Variants in SLIT3 observed in about 807,000 individuals in gnomAD.
The protein encoded by SLIT3 is slit homolog 3 protein.
In SLIT3, 68 loss-of-function variants were observed where a neutral mutation model predicts 184.0. That is an observed-to-expected ratio of 0.37 (90% confidence interval 0.30 to 0.45). The LOEUF (loss-of-function observed/expected upper bound fraction) is 0.45. Among genes scored for constraint, SLIT3 ranks in the 20% least tolerant of loss-of-function variants. The pLI is 1.00. For missense variants in SLIT3, 1,707 were observed against 2,026.0 expected, an observed-to-expected ratio of 0.84 and a Z score of 3.02; for synonymous variants, 831 against 828.6, an observed-to-expected ratio of 1.00 and a Z score of -0.05.
In SLIT3 at chr5:169,285,150, C is replaced by T. The variant is rs62376947; in HGVS notation, c.197+15363G>A. ...CAGGTAGGTGTCAAACTCATAGGCT[C>T]AACTGATCCTCCCACCTCAGCCTCC... On this transcript the variant is annotated intron_variant, in intron 1 of 35. Coordinates refer to ENST00000519560, the MANE Select transcript of SLIT3 (RefSeq NM_003062.4). 7.7e-3 allele frequency among the ~76,000 whole-genome samples: 1,178 copies of T among 152,170 alleles called. 8 individuals carry two copies. Among genetic ancestry groups the T allele is most frequent in the Non-Finnish European group, 0.012 (842 of 67,992 alleles).
intron 28 of SLIT3, among the ~76,000 whole-genome samples, chr5:168,693,023 C>G (rs1680426834): frequency 6.6e-6 from 1 of 152,222 alleles, no homozygotes; most frequent in African/African-American, 2.4e-5. Context: ...CTGGCCCTCA[C>G]TTTGGGCCAT....
chr5:168,855,106 CCTGG>C (rs1758816436), intron 5 of SLIT3, among the ~76,000 whole-genome samples: 1 of 152,186 alleles, frequency 6.6e-6, no homozygotes, highest in African/African-American at 2.4e-5. Flanking sequence ...CACTACTGTA[CCTGG>C]CCCACAGTGC....
rs764268943 is a variant in SLIT3, at chr5:168,835,502, TTTTG to T, written c.557+9078_557+9081del. Among the ~76,000 whole-genome samples, 555 of 152,120 alleles carry T rather than the reference TTTTG, an allele frequency of 3.6e-3. 5 individuals carry two copies. Among genetic ancestry groups the T allele is most frequent in the African/African-American group, 0.011 (476 of 41,490 alleles). On this transcript the variant is annotated intron_variant, in intron 6 of 35. Coordinates refer to ENST00000519560, the MANE Select transcript of SLIT3 (RefSeq NM_003062.4). The stretch of plus-strand genomic sequence containing the variant: ...CAAAAAAAAAAAAAAAGTGTTGTTT[TTTTG>T]TTTGTTTGTTTTGTTTTTTGTACTG...
At chr5:169,061,491 AC>A (rs1428014386) in intron 4 of SLIT3, among the ~76,000 whole-genome samples, 3 of 152,022 alleles carry the variant, frequency 2.0e-5, no homozygotes, top group Non-Finnish European at 4.4e-5. Context: ...CCTACAATCC[AC>A]CCATGGTTCT....
intron 20 of SLIT3, among the ~76,000 whole-genome samples, chr5:168,738,894 C>T (rs575830071): frequency 8.1e-5 from 11 of 135,732 alleles, no homozygotes; most frequent in Non-Finnish European, 1.5e-4. Flanking sequence ...GCCGAGATGG[C>T]GCCACTGCAG....
chr5:168,762,707 G>A lies in SLIT3; in HGVS notation c.1460-18C>T. ...CTCGGAGCCTGGGAGGGGCCAAAGA[G>A]GGGACGTCAGCGTCACCCGAGTTCC... On this transcript the variant is annotated intron_variant, in intron 14 of 35. Coordinates refer to ENST00000519560, the MANE Select transcript of SLIT3 (RefSeq NM_003062.4). The A allele has an allele frequency of 1.2e-6, 2 of 1,610,040 alleles. No homozygotes were observed. The highest frequency in any genetic ancestry group is 1.7e-4 in the Middle Eastern group (1 of 5,966).
intron 4 of SLIT3, among the ~76,000 whole-genome samples, chr5:168,889,578 T>C (rs1760359233): frequency 6.6e-6 from 1 of 152,236 alleles, no homozygotes; most frequent in South Asian, 2.1e-4. Flanking sequence ...AAGCTCCTTC[T>C]GCAATCCTTT....
At chr5:169,197,522 G>A (rs1467822937) in intron 3 of SLIT3, among the ~76,000 whole-genome samples, 3 of 152,154 alleles carry the variant, frequency 2.0e-5, no homozygotes, top group Admixed American at 2.0e-4. Flanking sequence ...ACAGGTAAGT[G>A]CCGGGTGCAG....
intron 4 of SLIT3, among the ~76,000 whole-genome samples, chr5:168,941,022 G>A (rs565396971): frequency 6.6e-6 from 1 of 152,286 alleles, no homozygotes; most frequent in Non-Finnish European, 1.5e-5. Context: ...CTTGGACAAT[G>A]AAAACCTAGT....
intron 20 of SLIT3, among the ~76,000 whole-genome samples, chr5:168,725,157 G>A (rs944618360): frequency 2.0e-5 from 3 of 152,148 alleles, no homozygotes; most frequent in Non-Finnish European, 1.5e-5. Context: ...GGGGTTCAGA[G>A]TGAGGTTGCA....
chr5:169,216,440 G>A (rs1301111596), intron 3 of SLIT3, among the ~76,000 whole-genome samples: 1 of 152,118 alleles, frequency 6.6e-6, no homozygotes, highest in Non-Finnish European at 1.5e-5. Context: ...AATGCACAAT[G>A]GATTATATCT....
intron 26 of SLIT3, chr5:168,706,933 C>A (rs1762388583): frequency 6.6e-6 from 1 of 152,252 alleles, no homozygotes; most frequent in African/African-American, 2.4e-5. Context: ...GTGCATTAGA[C>A]AGGCTGTGGG....
chr5:168,698,835 C>A (rs532766053), intron 27 of SLIT3, among the ~76,000 whole-genome samples: 1 of 152,308 alleles, frequency 6.6e-6, no homozygotes, highest in South Asian at 2.1e-4. Context: ...TCCTGTAGAT[C>A]TGGGCCCTTT....
chr5:168,945,751 G>T lies in SLIT3; in HGVS notation c.414-62415C>A, dbSNP rs1762455428. On this transcript the variant is annotated intron_variant, in intron 4 of 35. Coordinates refer to ENST00000519560, the MANE Select transcript of SLIT3 (RefSeq NM_003062.4). ...CGGGTGTTTCCTCCTCCCAACACGT[G>T]CAACAAAACGCATGCATATGTGGCT... Among the ~76,000 whole-genome samples the T allele has an allele frequency of 2.6e-5, 4 of 152,224 alleles. No homozygotes were observed. In the South Asian group the frequency reaches 8.3e-4, roughly 31 times the overall value.
chr5:168,893,144 G>T (rs12656664), intron 4 of SLIT3, among the ~76,000 whole-genome samples: 49,200 of 152,150 alleles, frequency 0.32, 9,052 homozygotes, highest in East Asian at 0.6. Flanking sequence ...ACCTGAGATA[G>T]TCCCCTGCCA....
chr5:169,075,613 C>T (rs915187273), intron 4 of SLIT3, among the ~76,000 whole-genome samples: 1 of 152,192 alleles, frequency 6.6e-6, no homozygotes, highest in South Asian at 2.1e-4. Flanking sequence ...GTTGCCTGAG[C>T]CTGGTTCAAG....
intron 26 of SLIT3, chr5:168,707,523 C>T (rs988450864): frequency 1.8e-5 from 3 of 163,024 alleles, no homozygotes; most frequent in South Asian, 3.4e-4. Flanking sequence ...TCCCCAATCC[C>T]TATATTTACA....
chr5:169,224,600 T>C (rs1210714322), intron 3 of SLIT3, among the ~76,000 whole-genome samples: 1 of 152,108 alleles, frequency 6.6e-6, no homozygotes, highest in African/African-American at 2.4e-5. Flanking sequence ...ACTCCTGAGC[T>C]CAAGTGATCT....
chr5:169,259,278 C>T (rs1581111028), intron 1 of SLIT3, among the ~76,000 whole-genome samples: 3 of 152,232 alleles, frequency 2.0e-5, no homozygotes, highest in Non-Finnish European at 2.9e-5. Context: ...AGGCTGGTCT[C>T]GAACTCCTGA....
Sources: allele counts gnomAD v4.1 joint callset (sites outside exome capture counted in the v4.1 genomes callset), GRCh38; gene constraint gnomAD v4.1.1; transcripts MANE v1.5; gene names NCBI Gene and HGNC (gene_info 2026-07-23, HGNC 2026-07-21).